The following CHN2 variants were observed in gnomAD, a reference collection of about 807,000 sequenced individuals.
CHN2 encodes beta-chimaerin.
A neutral mutation model predicts 56.3 loss-of-function variants in CHN2; 35 were observed. The observed-to-expected ratio is 0.62, with a 90% CI of 0.47 to 0.82. CHN2 has a LOEUF of 0.82. Ranked by LOEUF, CHN2 falls within the 40% of genes least tolerant of loss-of-function variation. The pLI is 0.00. For synonymous variants in CHN2, 210 were observed against 212.8 expected (o/e 0.99, Z 0.12); for missense variants, 491 against 580.5 (o/e 0.85, Z 1.58).
At chr7:29,352,761 A>G (rs899467722) in intron 1 of CHN2, among the ~76,000 whole-genome samples, 4 of 152,062 alleles carry the variant, frequency 2.6e-5, no homozygotes, top group Non-Finnish European at 5.9e-5. Context: ...AGCAAAAAAC[A>G]AAAACGTCAG....
At chr7:29,330,814 C>T (rs1244624943) in intron 1 of CHN2, among the ~76,000 whole-genome samples, 2 of 152,138 alleles carry the variant, frequency 1.3e-5, no homozygotes, top group African/African-American at 2.4e-5. Flanking sequence ...GAGGCTCAGA[C>T]GAAAGTCCCG....
chr7:29,369,577 T>C (rs1799442993), intron 3 of CHN2, among the ~76,000 whole-genome samples: 1 of 152,188 alleles, frequency 6.6e-6, no homozygotes, highest in South Asian at 2.1e-4. Flanking sequence ...TATATGTATG[T>C]GCGTGTGAAA....
intron 1 of CHN2, among the ~76,000 whole-genome samples, chr7:29,279,784 GA>G (rs1199094243): frequency 6.6e-6 from 1 of 152,206 alleles, no homozygotes; most frequent in African/African-American, 2.4e-5. Context: ...GATGGATTTG[GA>G]AACCAGTCTA....
intron 6 of CHN2, among the ~76,000 whole-genome samples, chr7:29,432,777 C>T (rs1782942749): frequency 1.3e-5 from 2 of 152,116 alleles, no homozygotes; most frequent in Admixed American, 1.3e-4. Context: ...GTTTATCTCT[C>T]GTTGTTGTTT....
chr7:29,400,221 A>G, intron 5 of CHN2: 1 of 368,198 alleles, frequency 2.7e-6, no homozygotes, highest in Non-Finnish European at 5.2e-6. Context: ...GATACTGACA[A>G]TGACCTTAGT....
chr7:29,488,546 C>CAA (rs919185665), intron 7 of CHN2, among the ~76,000 whole-genome samples: 2 of 152,150 alleles, frequency 1.3e-5, no homozygotes, highest in African/African-American at 4.8e-5. Context: ...AACAAACAAA[C>CAA]AAACTGCCTC....
At chr7:29,390,734 T>C (rs1362094063) in intron 3 of CHN2, among the ~76,000 whole-genome samples, 1 of 152,220 alleles carries the variant, frequency 6.6e-6, no homozygotes, top group African/African-American at 2.4e-5. Flanking sequence ...TGGTTTCCAC[T>C]GATGGCCAAC....
intron 2 of CHN2, among the ~76,000 whole-genome samples, chr7:29,151,971 G>A (rs550176216): frequency 5.9e-5 from 9 of 152,310 alleles, no homozygotes; most frequent in African/African-American, 2.2e-4. Context: ...AGTAGTATTT[G>A]GAGTCTCCTC....
intron 1 of CHN2, among the ~76,000 whole-genome samples, chr7:29,315,337 A>C (rs527239017): frequency 6.6e-6 from 1 of 152,366 alleles, no homozygotes; most frequent in South Asian, 2.1e-4. Context: ...CAAAGATTGC[A>C]ATTTCCCTTG....
At chr7:29,276,898 T>A (rs1012330770) in intron 1 of CHN2, among the ~76,000 whole-genome samples, 5 of 152,182 alleles carry the variant, frequency 3.3e-5, no homozygotes, top group Non-Finnish European at 7.3e-5. Flanking sequence ...TGGCCAGGAT[T>A]TTCTGCTTGA....
At chr7:29,403,511 C>T (rs1001261766) in intron 6 of CHN2, among the ~76,000 whole-genome samples, 2 of 151,966 alleles carry the variant, frequency 1.3e-5, no homozygotes, top group African/African-American at 4.8e-5. Context: ...ACGATGTTAC[C>T]TGTGTATCCA....
At chr7:29,498,378 G>A (rs1789529380) in intron 8 of CHN2, among the ~76,000 whole-genome samples, 1 of 152,184 alleles carries the variant, frequency 6.6e-6, no homozygotes, top group Admixed American at 6.5e-5. Flanking sequence ...CTAGATAGAT[G>A]TATCAAAATA....
chr7:29,379,025 C>T (rs1018802295), intron 3 of CHN2, among the ~76,000 whole-genome samples: 2 of 152,174 alleles, frequency 1.3e-5, no homozygotes, highest in Non-Finnish European at 2.9e-5. Flanking sequence ...CAGTGCCTGA[C>T]ATTTATTTAT....
chr7:29,262,160 T>A (rs1234028740), intron 1 of CHN2, among the ~76,000 whole-genome samples: 1 of 152,126 alleles, frequency 6.6e-6, no homozygotes, highest in African/African-American at 2.4e-5. Flanking sequence ...AGAGCCAGAC[T>A]CAGCCTCAAA....
intron 1 of CHN2, among the ~76,000 whole-genome samples, chr7:29,299,329 T>C (rs1457933697): frequency 2.0e-5 from 3 of 152,236 alleles, no homozygotes; most frequent in Non-Finnish European, 4.4e-5. Flanking sequence ...ATTGAAATCT[T>C]GTTTATCATG....
intron 3 of CHN2, among the ~76,000 whole-genome samples, chr7:29,388,354 C>T (rs1466724677): frequency 6.6e-6 from 1 of 152,126 alleles, no homozygotes; most frequent in Non-Finnish European, 1.5e-5. Flanking sequence ...AAAAGGAGCT[C>T]TAAGAACACA....
At chr7:29,455,555 T>G (rs1191914886) in intron 6 of CHN2, among the ~76,000 whole-genome samples, 2 of 152,158 alleles carry the variant, frequency 1.3e-5, no homozygotes, top group Admixed American at 6.5e-5. Flanking sequence ...AACTGTGGGA[T>G]TCCAGTTTTT....
intron 1 of CHN2, among the ~76,000 whole-genome samples, chr7:29,297,137 A>T (rs1793224761): frequency 6.6e-6 from 1 of 152,206 alleles, no homozygotes; most frequent in Admixed American, 6.5e-5. Context: ...AAAAAAGGGG[A>T]AACAGGGACC....
At position 29,285,211 on chromosome 7, in the gene CHN2, G is replaced by A. The variant is rs142252838; in HGVS notation, c.50-69414G>A. ...TTGTTCCTTTGGAAAGTCTTCTGTG[G>A]CATTGAAATCTGGCTCACCGTAATT... On this transcript the variant is annotated intron_variant, in intron 1 of 12. Transcript: ENST00000222792. Among the ~76,000 whole-genome samples the A allele has an allele frequency of 2.9e-3, 438 of 152,282 alleles. 2 individuals are homozygous for A. Among genetic ancestry groups the A allele is most frequent in the African/African-American group, 0.01 (416 of 41,548 alleles).
Sources: allele counts gnomAD v4.1 joint callset (sites outside exome capture counted in the v4.1 genomes callset), GRCh38; gene constraint gnomAD v4.1.1; transcripts MANE v1.5; gene names NCBI Gene and HGNC (gene_info 2026-07-23, HGNC 2026-07-21).